The following LPA variants were observed in gnomAD, a reference collection of about 807,000 sequenced individuals.
LPA encodes the protein apolipoprotein(a).
In LPA, 199 loss-of-function variants were observed where a neutral mutation model predicts 197.9. The ratio of observed to expected loss-of-function variants is 1.01; its 90% CI spans 0.90 to 1.13. LPA has a LOEUF of 1.13. Ranked by LOEUF, LPA falls within the 50% of genes most tolerant of loss-of-function variation. The pLI is 0.00. For synonymous variants in LPA, 715 were observed against 639.5 expected (o/e 1.12, Z -1.78); for missense variants, 1,853 against 1,785.8 (o/e 1.04, Z -0.68).
intron 16 of LPA, among the ~76,000 whole-genome samples, chr6:160,607,618 T>C (rs1248279491): frequency 5.1e-4 from 77 of 152,184 alleles, no homozygotes; most frequent in African/African-American, 1.9e-3. Flanking sequence ...CTCCAACCTC[T>C]CTCTATCCTC....
At chr6:160,606,792 G>A (rs1779363972) in intron 16 of LPA, 134 bp from the exon 17 acceptor site, 2 of 1,366,558 alleles carry the variant, frequency 1.5e-6, no homozygotes, top group Non-Finnish European at 2.1e-6. Context: ...CCATATGATT[G>A]CCACAAGCAC....
chr6:160,561,533 T>G (rs1327823410), intron 28 of LPA, among the ~76,000 whole-genome samples: 2 of 152,238 alleles, frequency 1.3e-5, no homozygotes, highest in Admixed American at 6.5e-5. Context: ...TCTTTTTGCT[T>G]AGGTTGTCTT....
intron 20 of LPA, among the ~76,000 whole-genome samples, chr6:160,598,038 T>A (rs1779166142): frequency 6.6e-6 from 1 of 152,178 alleles, no homozygotes; most frequent in Admixed American, 6.6e-5. Flanking sequence ...ATATACAAAG[T>A]CTACTCATAA....
intron 24 of LPA, among the ~76,000 whole-genome samples, chr6:160,587,801 T>TGTGTGTGTGTTTCTG (rs1562333102): frequency 2.3e-3 from 183 of 79,682 alleles, no homozygotes; most frequent in African/African-American, 4.2e-3. Flanking sequence ...GTGTGTGTGT[T>TGTGTGTGTGTTTCTG]TCTGTCTGTT....
chr6:160,590,086 G>A (rs1251012444), intron 23 of LPA, among the ~76,000 whole-genome samples: 2 of 152,148 alleles, frequency 1.3e-5, no homozygotes, highest in Non-Finnish European at 2.9e-5. Context: ...TGTCAGTGGG[G>A]GCAGACATGA....
intron 22 of LPA, among the ~76,000 whole-genome samples, chr6:160,593,509 G>T (rs1045368687): frequency 6.6e-6 from 1 of 152,116 alleles, no homozygotes; most frequent in Non-Finnish European, 1.5e-5. Flanking sequence ...CCAGGTACAG[G>T]TTAGAGGAGA....
rs1306378116 is a variant in LPA, at chr6:160,601,049, A to C, written c.2995T>G (p.Trp999Gly). The C allele has an allele frequency of 6.2e-7, 1 of 1,613,964 alleles. No individual in the cohort carries two copies. The highest frequency in any genetic ancestry group is 8.5e-7 in the Non-Finnish European group (1 of 1,179,974). The stretch of plus-strand genomic sequence containing the variant: ...ACACTGGGATCTGTTGTATAACACC[A>C]AGGGGCTGCCACAGGATCTGGATTT... Reference protein sequence around the residue: ...CRNPDPVAAPWCYTTDPSVRW... With the variant: ...CRNPDPVAAPGCYTTDPSVRW... The change falls in exon 19 of 39, where the codon TGG becomes GGG. Residue 999 changes from tryptophan (W) to glycine (G), a missense_variant. Physicochemically the swap from Trp to Gly is radical, Grantham distance 184. Coordinates refer to ENST00000316300, the MANE Select transcript of LPA (RefSeq NM_005577.4).
Position 160,600,931 on chromosome 6 carries a change from G to A in LPA, c.3113C>T (p.Ala1038Val), listed in dbSNP as rs781099520. The A allele has an allele frequency of 1.2e-6, 2 of 1,612,594 alleles. No individual in the cohort carries two copies. Among genetic ancestry groups the A allele is most frequent in the African/African-American group, 1.3e-5 (1 of 74,984 alleles). Reference protein sequence around the residue: ...PNVILAPSLEAFFEQALTEET... With the variant: ...PNVILAPSLEVFFEQALTEET... The stretch of plus-strand genomic sequence containing the variant: ...CAACTTCTTACCTTGTTCAAAAAAA[G>A]CCTCTAGGCTTGGAGCCAGAATAAC... Residue 1038 changes from alanine to valine, a missense_variant, in exon 19 of 39, where the codon GCT (alanine) becomes GTT (valine). Coordinates refer to ENST00000316300, the MANE Select transcript of LPA (RefSeq NM_005577.4).
intron 28 of LPA, among the ~76,000 whole-genome samples, chr6:160,565,165 A>G (rs2115018951): frequency 6.6e-6 from 1 of 152,304 alleles, no homozygotes; most frequent in Non-Finnish European, 1.5e-5. Flanking sequence ...GACAGCTTTG[A>G]AGAGAGTAGT....
At chr6:160,603,763 GTTAA>G (rs1779289853) in intron 18 of LPA, among the ~76,000 whole-genome samples, 1 of 152,212 alleles carries the variant, frequency 6.6e-6, no homozygotes, top group Non-Finnish European at 1.5e-5. Context: ...CTCCCAGGCA[GTTAA>G]TTGACTTGGA....
chr6:160,565,506 C>G (rs1439821721), intron 28 of LPA, among the ~76,000 whole-genome samples: 1 of 152,186 alleles, frequency 6.6e-6, no homozygotes, highest in Non-Finnish European at 1.5e-5. Context: ...GACATCCACA[C>G]CAAAACCCCA....
At chr6:160,647,258 CA>C (rs1171582846) in intron 2 of LPA, among the ~76,000 whole-genome samples, 1 of 152,042 alleles carries the variant, frequency 6.6e-6, no homozygotes, top group Non-Finnish European at 1.5e-5. Context: ...TATGGAGGAG[CA>C]AAAAACAATG....
rs760752632 is a variant in LPA, at chr6:160,585,041, C to T, written c.4289+5G>A. Reference sequence around the variant, plus strand: ...TTCCTTTTATGGCTAACATGATAGACATACGCATTTGGATAGTATAATGGG... The same window carrying T: ...TTCCTTTTATGGCTAACATGATAGATATACGCATTTGGATAGTATAATGGG... On this transcript the variant is annotated splice_donor_5th_base_variant and intron_variant, in intron 26 of 38. Coordinates refer to ENST00000316300, the MANE Select transcript of LPA (RefSeq NM_005577.4). 1.2e-6 allele frequency: 2 copies of T among 1,613,560 alleles called. No homozygotes were observed. The highest frequency in any genetic ancestry group is 4.5e-5 in the East Asian group (2 of 44,870).
chr6:160,549,056 C>T (rs1439871842), intron 30 of LPA, among the ~76,000 whole-genome samples: 2 of 152,076 alleles, frequency 1.3e-5, no homozygotes, highest in Non-Finnish European at 2.9e-5. Flanking sequence ...TCTTCACAGG[C>T]GGCAGGACAG....
chr6:160,543,540 A>G (rs1023727011), intron 33 of LPA, among the ~76,000 whole-genome samples: 3 of 152,212 alleles, frequency 2.0e-5, no homozygotes, highest in Admixed American at 1.3e-4. Context: ...AGTTTTCCAA[A>G]TAACTTTTCA....
At chr6:160,581,650 C>T (rs942919973) in intron 26 of LPA, among the ~76,000 whole-genome samples, 1 of 152,152 alleles carries the variant, frequency 6.6e-6, no homozygotes, top group South Asian at 2.1e-4. Context: ...TTACCATATG[C>T]ATCTATCCCA....
chr6:160,555,402 G>A lies in LPA; in HGVS notation c.4973+623C>T, dbSNP rs1216429584. On this transcript the variant is annotated intron_variant, in intron 30 of 38. Transcript: ENST00000316300. ...ATAGGGTATTTGGTCATCAGTCAGG[G>A]ACAGACATAAAAACCTTGCATGTTT... 2.1e-5 allele frequency among the ~76,000 whole-genome samples: 3 copies of A among 139,708 alleles called. No individual in the cohort carries two copies. The East Asian group carries it at 6.0e-4, about 28-fold the overall frequency. The allele number at this position is 139,708 out of a possible 152,430, so 91.7% of individuals were successfully genotyped here.
chr6:160,658,783 C>G (rs1780172108), intron 1 of LPA, among the ~76,000 whole-genome samples: 1 of 151,964 alleles, frequency 6.6e-6, no homozygotes, highest in Non-Finnish European at 1.5e-5. Context: ...TGAAAGAATT[C>G]CATCCTTAAT....
rs1432616957 is a variant in LPA at position 160,532,573 on chromosome 6, A to C, written c.5919T>G (p.Tyr1973Ter). 1.2e-6 allele frequency: 2 copies of C among 1,613,240 alleles called. No individual in the cohort carries two copies. The highest frequency in any genetic ancestry group is 4.5e-5 in the East Asian group (2 of 44,876). The change falls in exon 38 of 39, where the codon TAT (tyrosine) becomes TAG (stop). Residue 1973 changes from tyrosine to a stop codon, truncating the protein, a stop_gained. Transcript: ENST00000316300. LOFTEE classifies it high-confidence loss of function. The stretch of plus-strand genomic sequence containing the variant: ...CTCTGGCCAAATGCTCAGCACAAAT[A>C]TACTTATAGTGATTGCACACTTCAT... ...IENEVCNHYK[Y>*]ICAEHLARGT...
Sources: allele counts gnomAD v4.1 joint callset (sites outside exome capture counted in the v4.1 genomes callset), GRCh38; gene constraint gnomAD v4.1.1; transcripts MANE v1.5; gene names NCBI Gene and HGNC (gene_info 2026-07-23, HGNC 2026-07-21).